DAGLA: variants seen among roughly 807,000 people sequenced by gnomAD.
The protein encoded by DAGLA is diacylglycerol lipase alpha, also known as diacylglycerol lipase-alpha.
A neutral mutation model predicts 102.6 loss-of-function variants in DAGLA; 22 were observed. The observed-to-expected ratio is 0.21, with a 90% confidence interval of 0.15 to 0.31. The LOEUF is 0.31. DAGLA is among the 10% of genes least tolerant of loss of function. The pLI, the probability that DAGLA is intolerant of heterozygous loss-of-function variation, is 1.00. For missense variants in DAGLA, 927 were observed against 1,446.6 expected, an observed-to-expected ratio of 0.64 and a Z score of 5.83; for synonymous variants, 578 against 628.9, an observed-to-expected ratio of 0.92 and a Z score of 1.21.
At chr11:61,681,122 C>G (rs1463355580) in intron 1 of DAGLA, among the ~76,000 whole-genome samples, 3 of 152,170 alleles carry the variant, frequency 2.0e-5, no homozygotes. Context: ...CCCTCCCATC[C>G]TGATGAATGG....
Position 61,734,865 on chromosome 11 carries a change from G to A in DAGLA, c.991G>A (p.Ala331Thr), listed in dbSNP as rs199922726. The A allele has an allele frequency of 5.6e-6, 9 of 1,613,694 alleles. No individual in the cohort carries two copies. The South Asian group carries it at 8.8e-5, about 16-fold the overall frequency. The stretch of plus-strand genomic sequence containing the variant: ...CCACCCTAGGTGTTGCCTGTGTCCT[G>A]CGAGGCCGCGGTTCGCCCCTGGAGT... ...ARSCSCCLCP[A>T]RPRFAPGVTI... is the part of the protein sequence containing the mutation. The change falls in exon 10 of 20, where the codon GCG becomes ACG. Residue 331 changes from alanine (A) to threonine (T), a missense_variant. By Grantham distance (58) the Ala-to-Thr change is moderately conservative. This residue lies in a region of DAGLA where 44 missense variants were observed against 44.0 expected (regional missense o/e 1.00). Transcript: ENST00000257215. The surrounding 1 kb of genome is among the most constrained non-coding windows in gnomAD (Gnocchi z 4.2).
intron 1 of DAGLA, among the ~76,000 whole-genome samples, chr11:61,695,951 T>C (rs1322991788): frequency 6.6e-6 from 1 of 152,090 alleles, no homozygotes; most frequent in Non-Finnish European, 1.5e-5. Context: ...GGGGCTGTGG[T>C]GACCGTTCTC....
rs1380090054 is a variant in DAGLA, at chr11:61,737,301, C to T, written c.1491C>T (p.Tyr497=). Reference sequence around the variant, plus strand: ...ATCCGACCCTCAAGTGCTTTGCCTACTCCCCGCCAGGGGGCCTGCTGAGGT... The same window carrying T: ...ATCCGACCCTCAAGTGCTTTGCCTATTCCCCGCCAGGGGGCCTGCTGAGGT... ...PQYPTLKCFA[Y]SPPGGLLSED... The change falls in exon 14 of 20, where the codon TAC becomes TAT. Residue 497 remains tyrosine, a synonymous_variant. Coordinates refer to ENST00000257215, the MANE Select transcript of DAGLA (RefSeq NM_006133.3). 6.2e-7 allele frequency: 1 copy of T among 1,611,894 alleles called. No individual in the cohort carries two copies. Among genetic ancestry groups the T allele is most frequent in the Non-Finnish European group, 8.5e-7 (1 of 1,180,032 alleles).
At chr11:61,696,564 G>A (rs2065067736) in intron 1 of DAGLA, among the ~76,000 whole-genome samples, 1 of 142,274 alleles carries the variant, frequency 7.0e-6, no homozygotes, top group Non-Finnish European at 1.5e-5. Context: ...CAGAGTAAGA[G>A]GCATTTCACA....
chr11:61,696,953 T>G (rs1450383897), intron 1 of DAGLA, among the ~76,000 whole-genome samples: 1 of 151,890 alleles, frequency 6.6e-6, no homozygotes, highest in Non-Finnish European at 1.5e-5. Flanking sequence ...CTCACCTTCC[T>G]ATCGCCAAGG....
chr11:61,721,869 G>T (rs915266742), intron 3 of DAGLA, among the ~76,000 whole-genome samples: 1 of 152,264 alleles, frequency 6.6e-6, no homozygotes, highest in Non-Finnish European at 1.5e-5. Flanking sequence ...ACTAGTAAGC[G>T]TGTAAATGTC....
At chr11:61,706,489 A>C (rs1409821077) in intron 1 of DAGLA, among the ~76,000 whole-genome samples, 4 of 151,952 alleles carry the variant, frequency 2.6e-5, no homozygotes, top group Non-Finnish European at 4.4e-5. Context: ...CTGCTGGCCG[A>C]GGGCCCTGCT....
intron 1 of DAGLA, among the ~76,000 whole-genome samples, chr11:61,703,185 C>G (rs999172191): frequency 1.3e-5 from 2 of 152,234 alleles, no homozygotes; most frequent in Admixed American, 6.5e-5. Flanking sequence ...CCTGCCAAAC[C>G]TTTACTCAGT....
chr11:61,741,311 G>A lies in DAGLA; in HGVS notation c.2133G>A (p.Leu711=), dbSNP rs745468365. 6.2e-7 allele frequency: 1 copy of A among 1,611,156 alleles called. No homozygotes were observed. Among genetic ancestry groups the A allele is most frequent in the Non-Finnish European group, 8.5e-7 (1 of 1,179,960 alleles). ...TGPPMPTGLA[L]ELPTADHRNS... Reference sequence around the variant, plus strand: ...CGCCCATGCCCACTGGCCTTGCCCTGGAGCTGCCGACTGCAGACCACCGCA... The same window carrying A: ...CGCCCATGCCCACTGGCCTTGCCCTAGAGCTGCCGACTGCAGACCACCGCA... The change falls in exon 19 of 20, where the codon CTG becomes CTA. Residue 711 remains leucine (L), a synonymous_variant. Coordinates refer to ENST00000257215, the MANE Select transcript of DAGLA (RefSeq NM_006133.3).
chr11:61,741,853 C>G (rs1343077798), intron 19 of DAGLA, among the ~76,000 whole-genome samples: 3 of 152,100 alleles, frequency 2.0e-5, no homozygotes, highest in Admixed American at 1.3e-4. Flanking sequence ...CTCAGGTGAT[C>G]TGCCCGCCTC....
chr11:61,716,452 C>T (rs982069067), intron 1 of DAGLA, among the ~76,000 whole-genome samples: 4 of 152,086 alleles, frequency 2.6e-5, no homozygotes, highest in African/African-American at 9.7e-5. Flanking sequence ...TGGACCCTTC[C>T]AGTGATGTGT....
At chr11:61,719,474 A>G (rs932583453) in intron 1 of DAGLA, among the ~76,000 whole-genome samples, 8 of 152,362 alleles carry the variant, frequency 5.3e-5, no homozygotes, top group African/African-American at 1.9e-4. Flanking sequence ...TTCAAAACCA[A>G]GTCATAGAGC....
chr11:61,701,199 A>C (rs2065107972), intron 1 of DAGLA, among the ~76,000 whole-genome samples: 1 of 152,222 alleles, frequency 6.6e-6, no homozygotes, highest in African/African-American at 2.4e-5. Context: ...GTGCTAATAC[A>C]TAATTAATCC....
At chr11:61,728,741 C>T (rs2065351341) in intron 7 of DAGLA, among the ~76,000 whole-genome samples, 190 bp from the exon 8 acceptor site, 1 of 152,214 alleles carries the variant, frequency 6.6e-6, no homozygotes, top group Non-Finnish European at 1.5e-5. Flanking sequence ...AGAAGGGGAG[C>T]ATCTGGAAAT....
At chr11:61,726,522 G>A (rs1004594300) in intron 6 of DAGLA, among the ~76,000 whole-genome samples, 1 of 152,232 alleles carries the variant, frequency 6.6e-6, no homozygotes, top group East Asian at 1.9e-4. Context: ...CCAGAGGGCC[G>A]GACTTAATGC....
rs760283516 is a variant in DAGLA at position 61,740,581 on chromosome 11, G to A, written c.1972G>A (p.Gly658Arg). The change falls in exon 18 of 20, where the codon GGG becomes AGG. Residue 658 changes from glycine (G) to arginine (R), a missense_variant. By Grantham distance (125) the Gly-to-Arg change is moderately radical. Around this residue, in one of 4 missense-constraint regions of DAGLA, gnomAD observed 218 missense variants for 459.6 expected, o/e 0.47. Transcript: ENST00000257215. ...HEHLPYVVME[G>R]LNKVLENYNK... ...GCACCTGCCCTATGTGGTCATGGAG[G>A]GGCTCAACAAGGTGAGGCAGCTCCC... is the stretch of plus-strand genomic sequence containing the variant. The A allele has an allele frequency of 6.2e-7, 1 of 1,613,420 alleles. No individual in the cohort carries two copies. Among genetic ancestry groups the A allele is most frequent in the South Asian group, 1.1e-5 (1 of 91,074 alleles).
At chr11:61,702,463 C>T (rs541501829) in intron 1 of DAGLA, among the ~76,000 whole-genome samples, 189 of 152,262 alleles carry the variant, frequency 1.2e-3, no homozygotes, top group African/African-American at 4.4e-3. Context: ...AGGCTGCAGA[C>T]CCTTATAAAC....
In DAGLA at chr11:61,738,184, C is replaced by T. The variant is rs1175961013; in HGVS notation, c.1633C>T (p.Leu545=). Reference sequence around the variant, plus strand: ...CTTCCGCAGACAGCTCCTGGATGTCCTGCAGCGAAGCACCAAGCCCAAAGT... The same window carrying T: ...CTTCCGCAGACAGCTCCTGGATGTCTTGCAGCGAAGCACCAAGCCCAAAGT... ...EGFRRQLLDV[L]QRSTKPKWRI... The change falls in exon 16 of 20, where the codon CTG becomes TTG. Residue 545 remains leucine, a synonymous_variant. Coordinates refer to ENST00000257215, the MANE Select transcript of DAGLA (RefSeq NM_006133.3). 1 of 1,613,304 alleles carries T rather than the reference C, an allele frequency of 6.2e-7. No homozygotes were observed. The highest frequency in any genetic ancestry group is 1.7e-5 in the Admixed American group (1 of 60,022).
chr11:61,725,485 T>G (rs554575485), intron 5 of DAGLA, among the ~76,000 whole-genome samples: 2 of 151,964 alleles, frequency 1.3e-5, no homozygotes, highest in Non-Finnish European at 2.9e-5. Flanking sequence ...GTAAGTAGAG[T>G]ATGTAAGTAT....
Sources: allele counts gnomAD v4.1 joint callset (sites outside exome capture counted in the v4.1 genomes callset), GRCh38; gene constraint gnomAD v4.1.1; regional missense constraint gnomAD v4.1.1; non-coding constraint Gnocchi (gnomAD v3.1); transcripts MANE v1.5; gene names NCBI Gene and HGNC (gene_info 2026-07-23, HGNC 2026-07-21).